NCOA7: variants seen among roughly 807,000 people sequenced by gnomAD.
NCOA7 encodes nuclear receptor coactivator 7.
Under a neutral mutation model 104.3 loss-of-function variants are expected in NCOA7, and 45 were observed. The ratio of observed to expected loss-of-function variants is 0.43; its 90% CI spans 0.34 to 0.55. The LOEUF is 0.55. NCOA7 is among the 20% of genes least tolerant of loss of function. NCOA7 has a pLI of 0.02. For synonymous variants in NCOA7, 398 were observed against 402.3 expected (o/e 0.99, Z 0.13); for missense variants, 1,041 against 1,119.7 (o/e 0.93, Z 1.00).
intron 2 of NCOA7, among the ~76,000 whole-genome samples, chr6:125,837,594 C>T (rs1003547329): frequency 2.0e-5 from 3 of 152,110 alleles, no homozygotes; most frequent in Admixed American, 6.6e-5. Context: ...TACCTTTTCC[C>T]CTTCTTTCCT....
At chr6:125,786,338 C>T (rs1405753795), upstream of NCOA7, 2 of 152,192 alleles carry the variant, frequency 1.3e-5, no homozygotes, top group Non-Finnish European at 2.9e-5. Flanking sequence ...TCCTCTCCCA[C>T]AGCTTTTGAG....
chr6:125,828,414 G>C (rs1204055548), intron 2 of NCOA7, among the ~76,000 whole-genome samples: 2 of 152,234 alleles, frequency 1.3e-5, no homozygotes, highest in East Asian at 3.8e-4. Flanking sequence ...GGAGAAGCCA[G>C]TTTGATGTGA....
At chr6:125,857,349 T>C (rs1172833864) in intron 3 of NCOA7, among the ~76,000 whole-genome samples, 2 of 152,072 alleles carry the variant, frequency 1.3e-5, no homozygotes, top group Non-Finnish European at 2.9e-5. Flanking sequence ...GCAGTCCTTC[T>C]GCCTCAACCT....
chr6:125,804,794 AAAG>A (rs1399937001), intron 1 of NCOA7, among the ~76,000 whole-genome samples: 25 of 152,200 alleles, frequency 1.6e-4, no homozygotes, highest in African/African-American at 6.0e-4. Context: ...TTTTTTAAAA[AAAG>A]AAAAATTCCA....
At chr6:125,878,905 G>T (rs2128644654) in intron 5 of NCOA7, among the ~76,000 whole-genome samples, 1 of 152,304 alleles carries the variant, frequency 6.6e-6, no homozygotes, top group Middle Eastern at 3.4e-3. Context: ...ACATGTTCTG[G>T]CGGCTGCTCA....
chr6:125,800,637 C>T (rs745957595), intron 1 of NCOA7, among the ~76,000 whole-genome samples: 1 of 152,210 alleles, frequency 6.6e-6, no homozygotes, highest in African/African-American at 2.4e-5. Flanking sequence ...GTGTACATAA[C>T]TCTGCATGGA....
At chr6:125,916,838 T>A (rs1787129696) in intron 11 of NCOA7, among the ~76,000 whole-genome samples, 1 of 152,244 alleles carries the variant, frequency 6.6e-6, no homozygotes, top group Admixed American at 6.5e-5. Flanking sequence ...TCTGTGTCCA[T>A]GTATAAGTGG....
intron 8 of NCOA7, among the ~76,000 whole-genome samples, chr6:125,886,896 A>C (rs1328070905): frequency 6.6e-6 from 1 of 152,236 alleles, no homozygotes; most frequent in Non-Finnish European, 1.5e-5. Flanking sequence ...GAGTGTGTGT[A>C]TGTGCGCGTG....
intron 13 of NCOA7, among the ~76,000 whole-genome samples, chr6:125,926,330 G>C (rs1247451513): frequency 6.6e-6 from 1 of 151,728 alleles, no homozygotes; most frequent in Non-Finnish European, 1.5e-5. Context: ...AAAAAGGGAG[G>C]GGGGTGGTGG....
intron 5 of NCOA7, 56 bp from the exon 6 acceptor site, chr6:125,881,034 C>A: frequency 9.3e-7 from 1 of 1,070,484 alleles, no homozygotes; most frequent in Non-Finnish European, 1.5e-6. Context: ...TCCAAACACT[C>A]ACTAGTGGTT....
intron 11 of NCOA7, among the ~76,000 whole-genome samples, chr6:125,915,731 G>T (rs1787014065): frequency 6.6e-6 from 1 of 150,442 alleles, no homozygotes; most frequent in African/African-American, 2.4e-5. Context: ...ATAGCTCCAT[G>T]CCTTAGTTCA....
chr6:125,840,035 T>G (rs1779986798), intron 2 of NCOA7, among the ~76,000 whole-genome samples: 1 of 151,934 alleles, frequency 6.6e-6, no homozygotes, highest in Admixed American at 6.6e-5. Context: ...AAGGCATTGT[T>G]ATCATAGGAG....
At chr6:125,884,786 C>A (rs1453778535) in intron 7 of NCOA7, among the ~76,000 whole-genome samples, 1 of 152,178 alleles carries the variant, frequency 6.6e-6, no homozygotes. Context: ...TTGTAAAGCC[C>A]TGTATTCTCG....
intron 3 of NCOA7, among the ~76,000 whole-genome samples, chr6:125,873,438 C>G (rs972821450): frequency 1.3e-5 from 2 of 152,090 alleles, no homozygotes; most frequent in African/African-American, 4.8e-5. Context: ...CACTAACATC[C>G]CATTCAGTTT....
chr6:125,793,451 T>G (rs1775031460), intron 1 of NCOA7, among the ~76,000 whole-genome samples: 1 of 152,190 alleles, frequency 6.6e-6, no homozygotes, highest in African/African-American at 2.4e-5. Context: ...AAATAAAAGC[T>G]CTAATCTCAG....
chr6:125,890,544 A>T, intron 9 of NCOA7, 98 bp from the exon 10 acceptor site: 1 of 1,197,420 alleles, frequency 8.4e-7, no homozygotes, highest in Non-Finnish European at 1.2e-6. Flanking sequence ...CAATGTTTTG[A>T]CTAAGAGAGG....
At chr6:125,858,109 T>C (rs1271207758) in intron 3 of NCOA7, among the ~76,000 whole-genome samples, 2 of 152,138 alleles carry the variant, frequency 1.3e-5, no homozygotes, top group African/African-American at 2.4e-5. Context: ...TGCATTGTTA[T>C]CATGGATGTA....
rs1246870187 is a variant in NCOA7, at chr6:125,837,242, C to CTCAT, written c.51-17757_51-17754dup. Among the ~76,000 whole-genome samples the CTCAT allele has an allele frequency of 5.0e-3, 761 of 152,136 alleles. 12 individuals carry two copies. Among genetic ancestry groups the CTCAT allele is most frequent in the African/African-American group, 0.017 (709 of 41,518 alleles). On this transcript the variant is annotated intron_variant, in intron 2 of 15. Transcript: ENST00000392477. Reference sequence around the variant, plus strand: ...ATCTTTCCCGGATTGAAGTTTGTTTCTCATTCATTCATTCATTCATTCATA... The same window carrying CTCAT: ...ATCTTTCCCGGATTGAAGTTTGTTTCTCATTCATTCATTCATTCATTCATTCATA...
chr6:125,910,140 C>G (rs1406681776), intron 10 of NCOA7, among the ~76,000 whole-genome samples: 1 of 152,026 alleles, frequency 6.6e-6, no homozygotes, highest in Non-Finnish European at 1.5e-5. Context: ...ATAGAATGGC[C>G]TTATTTAGTG....
Sources: gnomAD v4.1 joint callset for allele counts (sites outside exome capture counted in the v4.1 genomes callset) on GRCh38, gnomAD v4.1.1 for gene constraint, MANE v1.5 for transcripts, NCBI Gene and HGNC (gene_info 2026-07-23, HGNC 2026-07-21) for gene names.